Variants in BRINP2 observed in about 807,000 individuals in gnomAD.
BRINP2 encodes the protein BMP/retinoic acid-inducible neural-specific protein 2.
BRINP2 carries 21 observed loss-of-function variants against 69.2 expected under a neutral mutation model. The observed-to-expected ratio is 0.30, with a 90% CI of 0.22 to 0.44. The LOEUF (loss-of-function observed/expected upper bound fraction) is 0.44, where lower values mean the gene tolerates loss of function less well. Among genes scored for constraint, BRINP2 ranks in the 20% least tolerant of loss-of-function variants. The pLI, the probability that BRINP2 is intolerant of heterozygous loss-of-function variation, is 1.00. For missense variants in BRINP2, 877 were observed against 986.0 expected (o/e 0.89, Z 1.48); for synonymous variants, 380 against 394.1 (o/e 0.96, Z 0.42).
intron 2 of BRINP2, among the ~76,000 whole-genome samples, chr1:177,246,127 C>G (rs1038119553): frequency 6.6e-6 from 1 of 152,168 alleles, no homozygotes; most frequent in African/African-American, 2.4e-5. Context: ...TCTTGTGTCT[C>G]TAAGAATTGC....
intron 4 of BRINP2, 140 bp downstream of exon 4, chr1:177,257,524 G>A: frequency 1.2e-6 from 1 of 821,960 alleles, no homozygotes; most frequent in Non-Finnish European, 1.9e-6. Flanking sequence ...GACACAGCCA[G>A]CCTTCAGACA....
intron 2 of BRINP2, among the ~76,000 whole-genome samples, chr1:177,252,109 A>C (rs1650603904): frequency 6.6e-6 from 1 of 152,222 alleles, no homozygotes; most frequent in Admixed American, 6.5e-5. Context: ...GAGATTAGGC[A>C]ACTGTTCTTT....
At chr1:177,231,934 T>C (rs1334260901) in intron 2 of BRINP2, among the ~76,000 whole-genome samples, 15 of 152,218 alleles carry the variant, frequency 9.9e-5, no homozygotes, top group Admixed American at 9.8e-4. Context: ...ACTTTCTAGA[T>C]GGCAAATTCA....
At chr1:177,265,336 A>G (rs1651083712) in intron 4 of BRINP2, among the ~76,000 whole-genome samples, 1 of 152,308 alleles carries the variant, frequency 6.6e-6, no homozygotes, top group African/African-American at 2.4e-5. Context: ...AACCATAAAA[A>G]CCATAGAAGA....
chr1:177,262,770 G>A (rs867987365), intron 4 of BRINP2, among the ~76,000 whole-genome samples: 33 of 152,300 alleles, frequency 2.2e-4, no homozygotes, highest in African/African-American at 7.9e-4. Flanking sequence ...TGGCTAACAG[G>A]AAGAAAAGGG....
At chr1:177,191,541 G>C (rs1648594770) in intron 1 of BRINP2, among the ~76,000 whole-genome samples, 1 of 152,128 alleles carries the variant, frequency 6.6e-6, no homozygotes, top group Non-Finnish European at 1.5e-5. Flanking sequence ...TGCAACCTCT[G>C]CTTCCTGGGA....
chr1:177,226,743 T>C (rs138720660), intron 1 of BRINP2, among the ~76,000 whole-genome samples: 9 of 152,276 alleles, frequency 5.9e-5, no homozygotes, highest in African/African-American at 2.2e-4. Flanking sequence ...CAGTGTCACA[T>C]GGTTACTGGC....
In BRINP2 at chr1:177,196,576, C is replaced by T. The variant is rs537999596; in HGVS notation, c.-77+24844C>T. On this transcript the variant is annotated intron_variant, in intron 1 of 7. Coordinates refer to ENST00000361539, the MANE Select transcript of BRINP2 (RefSeq NM_021165.4). ...GAGGTTGCAGTGAGCTGAGATTGCGCCACTGCACTCCAGCCTGGGCAACAA... is the reference window on the plus strand; with the variant it reads ...GAGGTTGCAGTGAGCTGAGATTGCGTCACTGCACTCCAGCCTGGGCAACAA... Among the ~76,000 whole-genome samples the T allele has an allele frequency of 7.8e-4, 118 of 151,986 alleles. 1 individual carries two copies. Among genetic ancestry groups the T allele is most frequent in the South Asian group, 5.0e-3 (24 of 4,808 alleles).
Position 177,229,790 on chromosome 1 carries a change from T to A in BRINP2, c.-76-11T>A. 1 of 1,496,578 alleles carries A rather than the reference T, an allele frequency of 6.7e-7. No homozygotes were observed. 92.7% of individuals were successfully genotyped at this position (1,496,578 alleles called of 1,614,324 possible). A position where few individuals can be genotyped will look rare whatever the true frequency, so the allele number is the denominator to read the frequency against. On this transcript the variant is annotated splice_polypyrimidine_tract_variant and intron_variant, in intron 1 of 7. Coordinates refer to ENST00000361539, the MANE Select transcript of BRINP2 (RefSeq NM_021165.4). ...GGTGCTCAAATGACAATGCCTTTTG[T>A]ACTTTTCCAGCTCCGAGCCCTGGAG... is the stretch of plus-strand genomic sequence containing the variant.
intron 1 of BRINP2, among the ~76,000 whole-genome samples, chr1:177,188,242 A>G (rs1178709949): frequency 6.6e-6 from 1 of 152,192 alleles, no homozygotes; most frequent in East Asian, 1.9e-4. Flanking sequence ...TATAACAAAA[A>G]TAACAAATAT....
intron 1 of BRINP2, among the ~76,000 whole-genome samples, chr1:177,179,614 C>A (rs1175482020): frequency 6.6e-6 from 1 of 152,170 alleles, no homozygotes; most frequent in East Asian, 1.9e-4. Context: ...CTCTCACACA[C>A]ACACACCTGT....
At chr1:177,264,409 T>C in intron 4 of BRINP2, among the ~76,000 whole-genome samples, 1 of 152,176 alleles carries the variant, frequency 6.6e-6, no homozygotes, top group Non-Finnish European at 1.5e-5. Context: ...AAGACAAGGA[T>C]GCCCTCTCTC....
At chr1:177,262,959 A>G (rs1049906468) in intron 4 of BRINP2, among the ~76,000 whole-genome samples, 1 of 152,180 alleles carries the variant, frequency 6.6e-6, no homozygotes, top group East Asian at 1.9e-4. Context: ...TTAGCAGTTC[A>G]TGTATAGGTA....
intron 1 of BRINP2, among the ~76,000 whole-genome samples, chr1:177,176,508 CTG>C (rs1326808799): frequency 7.1e-6 from 1 of 141,810 alleles, no homozygotes; most frequent in Non-Finnish European, 1.5e-5. Context: ...ATGTAAGTGG[CTG>C]GCATTATTAT....
intron 7 of BRINP2, among the ~76,000 whole-genome samples, chr1:177,279,818 A>G (rs907607634): frequency 2.6e-5 from 4 of 152,242 alleles, no homozygotes; most frequent in African/African-American, 9.6e-5. Flanking sequence ...AGCTACTGAT[A>G]ATTTTCATGG....
chr1:177,270,588 G>C (rs767198132), intron 4 of BRINP2, among the ~76,000 whole-genome samples: 1 of 152,128 alleles, frequency 6.6e-6, no homozygotes. Flanking sequence ...CTATTCTCTA[G>C]CCTGTCCTCC....
chr1:177,193,237 G>T (rs1384922777), intron 1 of BRINP2, among the ~76,000 whole-genome samples: 2 of 152,190 alleles, frequency 1.3e-5, no homozygotes, highest in Non-Finnish European at 2.9e-5. Flanking sequence ...ACGAGCATGT[G>T]ATGGGTGAAG....
rs747115146 is a variant in BRINP2 at position 177,280,464 on chromosome 1, A to G, written c.1288A>G (p.Ser430Gly). 16 of 1,613,936 alleles carry G rather than the reference A, an allele frequency of 9.9e-6. No individual in the cohort carries two copies. The highest frequency in any genetic ancestry group is 3.3e-5 in the Admixed American group (2 of 60,000). Residue 430 changes from serine to glycine, a missense_variant, in exon 8 of 8, where the codon AGC (serine) becomes GGC (glycine). Ser to Gly is a moderately conservative substitution (Grantham distance 56, BLOSUM62 0). Transcript: ENST00000361539. The part of the protein sequence containing the change: ...RIQSLLYCGE[S>G]TFPGTFLEQS... The stretch of plus-strand genomic sequence containing the variant: ...CCAGTCCCTCCTCTACTGTGGGGAA[A>G]GCACCTTTCCTGGCACTTTCCTGGA...
intron 1 of BRINP2, among the ~76,000 whole-genome samples, chr1:177,209,088 C>T (rs1347688363): frequency 6.6e-6 from 1 of 152,000 alleles, no homozygotes; most frequent in Non-Finnish European, 1.5e-5. Flanking sequence ...TTCCGCTCAA[C>T]AACACAGGGT....
Sources: gnomAD v4.1 joint callset for allele counts (sites outside exome capture counted in the v4.1 genomes callset) on GRCh38, gnomAD v4.1.1 for gene constraint, MANE v1.5 for transcripts, NCBI Gene and HGNC (gene_info 2026-07-23, HGNC 2026-07-21) for gene names.